The following CD86 variants were observed in gnomAD, a reference collection of about 807,000 sequenced individuals.
The protein encoded by CD86 is CD86 molecule.
CD86 carries 11 observed loss-of-function variants against 32.1 expected under a neutral mutation model. The ratio of observed to expected loss-of-function variants is 0.34; its 90% CI spans 0.22 to 0.57. The LOEUF is 0.57. CD86 is among the 20% of genes least tolerant of loss of function. The probability of loss-of-function intolerance (pLI) is 0.86; values close to 1 mark genes in which losing one functional copy is unlikely to be tolerated. For synonymous variants in CD86, 137 were observed against 135.3 expected (o/e 1.01, Z -0.09); for missense variants, 359 against 398.4 (o/e 0.90, Z 0.84).
intron 2 of CD86, among the ~76,000 whole-genome samples, chr3:122,092,892 C>G (rs1285095850): frequency 6.6e-6 from 1 of 152,232 alleles, no homozygotes; most frequent in East Asian, 1.9e-4. Flanking sequence ...CAGATCCATG[C>G]TGGCTGGGAT....
intron 2 of CD86, among the ~76,000 whole-genome samples, chr3:122,098,510 G>A (rs80232308): frequency 0.037 from 5,665 of 152,216 alleles, 131 homozygotes; most frequent in African/African-American, 0.068. Context: ...TAAGGCCAGG[G>A]GAAGGACTTT....
chr3:122,093,944 A>G (rs2072868131), intron 2 of CD86, among the ~76,000 whole-genome samples: 1 of 152,180 alleles, frequency 6.6e-6, no homozygotes, highest in Non-Finnish European at 1.5e-5. Flanking sequence ...TCTTCTCCTA[A>G]CTCTTGTGGT....
At chr3:122,076,678 T>A (rs936534676) in intron 1 of CD86, among the ~76,000 whole-genome samples, 1 of 152,142 alleles carries the variant, frequency 6.6e-6, no homozygotes, top group African/African-American at 2.4e-5. Context: ...AGAAGGGAGA[T>A]CTTTGTGCAA....
chr3:122,103,518 C>T lies in CD86; in HGVS notation c.71C>T (p.Ala24Val), dbSNP rs149667487. The T allele has an allele frequency of 8.1e-6, 13 of 1,606,158 alleles. No individual in the cohort carries two copies. In the African/African-American group the frequency reaches 1.5e-4, roughly 18 times the overall value. ...FVMAFLLSGAAPLKIQAYFNE... is the reference protein window; with the variant it reads ...FVMAFLLSGAVPLKIQAYFNE... ...CCTTAACCTTCTTTTTTAGGTGCTG[C>T]TCCTCTGAAGATTCAAGCTTATTTC... is the stretch of plus-strand genomic sequence containing the variant. Residue 24 changes from alanine (A) to valine (V), a missense_variant, in exon 3 of 7, where the codon GCT becomes GTT. Physicochemically the swap from Ala to Val is moderately conservative, Grantham distance 64 (BLOSUM62 0). Coordinates refer to ENST00000330540, the MANE Select transcript of CD86 (RefSeq NM_175862.5).
At chr3:122,084,021 C>T (rs541072392) in intron 1 of CD86, among the ~76,000 whole-genome samples, 1 of 152,226 alleles carries the variant, frequency 6.6e-6, no homozygotes, top group Admixed American at 6.5e-5. Flanking sequence ...GAGTCTTACT[C>T]TGTTGCCCAG....
intron 6 of CD86, among the ~76,000 whole-genome samples, chr3:122,119,123 G>A (rs2073302645): frequency 6.6e-6 from 1 of 152,278 alleles, no homozygotes; most frequent in South Asian, 2.1e-4. Context: ...CAATGAGAAA[G>A]GGTGCTGAAA....
At chr3:122,087,322 A>G (rs961996288) in intron 1 of CD86, among the ~76,000 whole-genome samples, 1 of 151,994 alleles carries the variant, frequency 6.6e-6, no homozygotes, top group East Asian at 1.9e-4. Context: ...TTCCTCTTCC[A>G]TTCCCCTTTT....
At chr3:122,117,013 T>C (rs1176783877) in intron 5 of CD86, among the ~76,000 whole-genome samples, 1 of 152,236 alleles carries the variant, frequency 6.6e-6, no homozygotes, top group Non-Finnish European at 1.5e-5. Flanking sequence ...GATTGGGTTT[T>C]ATTATTTATT....
intron 5 of CD86, among the ~76,000 whole-genome samples, 159 bp from the exon 6 acceptor site, chr3:122,117,889 A>G (rs2073278248): frequency 6.6e-6 from 1 of 152,226 alleles, no homozygotes; most frequent in East Asian, 1.9e-4. Flanking sequence ...CTTCTTCCCA[A>G]TCCCCCTGAA....
chr3:122,119,420 TTTC>T lies in CD86; in HGVS notation c.894-13_894-11del, dbSNP rs1277939469. 1 of 1,464,082 alleles carries T rather than the reference TTTC, an allele frequency of 6.8e-7. No individual in the cohort carries two copies. Among genetic ancestry groups the T allele is most frequent in the South Asian group, 1.2e-5 (1 of 86,312 alleles). 90.7% of individuals were successfully genotyped at this position (1,464,082 alleles called of 1,614,324 possible). The stretch of plus-strand genomic sequence containing the variant: ...TCAAATGTGAAATATCACCTAATCT[TTTC>T]TTCTATTTCTCCAGAGAAAAAATCC... On this transcript the variant is annotated splice_polypyrimidine_tract_variant and intron_variant, in intron 6 of 6. Coordinates refer to ENST00000330540, the MANE Select transcript of CD86 (RefSeq NM_175862.5).
At chr3:122,110,253 T>A (rs2073152767) in intron 5 of CD86, among the ~76,000 whole-genome samples, 1 of 152,206 alleles carries the variant, frequency 6.6e-6, no homozygotes. Context: ...GACACTTGAG[T>A]TAGTCCAATA....
intron 1 of CD86, among the ~76,000 whole-genome samples, chr3:122,086,336 T>C (rs1461697392): frequency 1.3e-5 from 2 of 151,964 alleles, no homozygotes; most frequent in Non-Finnish European, 2.9e-5. Context: ...CAACATCTAC[T>C]GTGGACCCCT....
At chr3:122,067,208 T>TCTTG (rs1279239029) in intron 1 of CD86, among the ~76,000 whole-genome samples, 1 of 152,232 alleles carries the variant, frequency 6.6e-6, no homozygotes, top group Non-Finnish European at 1.5e-5. Context: ...GCCTTGTGTG[T>TCTTG]CTTGCTGAGA....
intron 5 of CD86, among the ~76,000 whole-genome samples, chr3:122,111,918 C>G (rs1178339235): frequency 6.6e-6 from 1 of 152,292 alleles, no homozygotes. Flanking sequence ...TTTTTCTATG[C>G]CTCAACTGTA....
intron 6 of CD86, among the ~76,000 whole-genome samples, chr3:122,118,456 T>A (rs2073290980): frequency 6.6e-6 from 1 of 152,158 alleles, no homozygotes. Flanking sequence ...AATGAAGAAG[T>A]GGGGAATGAT....
chr3:122,085,718 C>T lies in CD86; in HGVS notation c.15-5883C>T, dbSNP rs115461934. Among the ~76,000 whole-genome samples, 13 of 152,062 alleles carry T rather than the reference C, an allele frequency of 8.5e-5. No individual in the cohort carries two copies. In the East Asian group the frequency reaches 1.7e-3, roughly 20 times the overall value. ...AGCAGCCAGTAATGGGGTGGGACAG[C>T]GGAATGCAGAGGATGAAACTTCAGG... On this transcript the variant is annotated intron_variant, in intron 1 of 6. Coordinates refer to ENST00000330540, the MANE Select transcript of CD86 (RefSeq NM_175862.5).
At chr3:122,096,188 C>T (rs974366679) in intron 2 of CD86, among the ~76,000 whole-genome samples, 1 of 152,196 alleles carries the variant, frequency 6.6e-6, no homozygotes, top group African/African-American at 2.4e-5. Flanking sequence ...GCCTCAGCCA[C>T]CTGAATAGCT....
chr3:122,091,186 G>A (rs1001693528), intron 1 of CD86, among the ~76,000 whole-genome samples: 3 of 152,294 alleles, frequency 2.0e-5, no homozygotes, highest in Non-Finnish European at 4.4e-5. Flanking sequence ...GAGGTGTAAA[G>A]AGAGCTGCTT....
At chr3:122,072,365 A>G (rs1008568045) in intron 1 of CD86, among the ~76,000 whole-genome samples, 2 of 151,268 alleles carry the variant, frequency 1.3e-5, no homozygotes, top group African/African-American at 4.9e-5. Flanking sequence ...AAGTGTTCCT[A>G]TTTCTCCACA....
Sources: gnomAD v4.1 joint callset for allele counts (sites outside exome capture counted in the v4.1 genomes callset) on GRCh38, gnomAD v4.1.1 for gene constraint, MANE v1.5 for transcripts, NCBI Gene and HGNC (gene_info 2026-07-23, HGNC 2026-07-21) for gene names.